PNLDC1: variants seen among roughly 807,000 people sequenced by gnomAD.
The protein encoded by PNLDC1 is poly(A)-specific ribonuclease PNLDC1.
PNLDC1 carries 70 observed loss-of-function variants against 82.0 expected under a neutral mutation model. The observed-to-expected ratio is 0.85, with a 90% confidence interval of 0.70 to 1.04. The LOEUF is 1.04. Ranked by LOEUF, PNLDC1 falls within the 50% of genes least tolerant of loss-of-function variation. PNLDC1 has a pLI of 0.00. For missense variants in PNLDC1, 631 were observed against 661.1 expected, an observed-to-expected ratio of 0.95 and a Z score of 0.50; for synonymous variants, 280 against 249.3, an observed-to-expected ratio of 1.12 and a Z score of -1.16.
At chr6:159,802,497 T>G (rs965950807) in intron 3 of PNLDC1, among the ~76,000 whole-genome samples, 3 of 152,100 alleles carry the variant, frequency 2.0e-5, no homozygotes, top group African/African-American at 7.2e-5. Flanking sequence ...GTTTTTTTTT[T>G]GTTCGTTTGT....
At chr6:159,818,784 T>A (rs1295917444) in intron 16 of PNLDC1, 130 bp downstream of exon 16, 1 of 1,205,640 alleles carries the variant, frequency 8.3e-7, no homozygotes, top group Non-Finnish European at 1.2e-6. Context: ...GGTTTTTCTT[T>A]CCTCTCATGT....
At chr6:159,804,774 G>T in intron 6 of PNLDC1, 137 bp downstream of exon 6, 2 of 621,198 alleles carry the variant, frequency 3.2e-6, no homozygotes, top group East Asian at 5.6e-5. Context: ...TGCCTGTGCA[G>T]CTGGCGCTGC....
intron 13 of PNLDC1, 37 bp downstream of exon 13, chr6:159,816,070 G>T: frequency 7.0e-7 from 1 of 1,430,306 alleles, no homozygotes. Context: ...TGCACAGTCG[G>T]CAGAGTGCTG....
chr6:159,810,039 A>G lies in PNLDC1; in HGVS notation c.797A>G (p.His266Arg), dbSNP rs777120457. The G allele has an allele frequency of 1.2e-6, 2 of 1,614,090 alleles. No individual in the cohort carries two copies. The highest frequency in any genetic ancestry group is 3.3e-5 in the Admixed American group (2 of 60,030). ...TACTCCAAGTAGCCCTTAGTGGGACATAATATGATGATGGACCTGCTGCAC... is the reference window on the plus strand; with the variant it reads ...TACTCCAAGTAGCCCTTAGTGGGACGTAATATGATGATGGACCTGCTGCAC... ...LVKAQKPLVG[H>R]NMMMDLLHLH... is the part of the protein sequence containing the mutation. Residue 266 changes from histidine to arginine, a missense_variant, in exon 10 of 19, where the codon CAT (histidine) becomes CGT (arginine). Coordinates refer to ENST00000392167, the MANE Select transcript of PNLDC1 (RefSeq NM_001271862.2).
In PNLDC1 at chr6:159,804,061, G is replaced by A; in HGVS notation, c.345G>A (p.Leu115=). The A allele has an allele frequency of 6.2e-7, 1 of 1,614,124 alleles. No individual in the cohort carries two copies. The highest frequency in any genetic ancestry group is 8.5e-7 in the Non-Finnish European group (1 of 1,180,024). The change falls in exon 5 of 19, where the codon TTG becomes TTA. Residue 115 remains leucine (L), a synonymous_variant. Coordinates refer to ENST00000392167, the MANE Select transcript of PNLDC1 (RefSeq NM_001271862.2). ...TCCAGGCTTCCAGTGTTCAGTTTTTGAATCAGTATGGCTTCAACTATAACA... is the reference window on the plus strand; with the variant it reads ...TCCAGGCTTCCAGTGTTCAGTTTTTAAATCAGTATGGCTTCAACTATAACA... The part of the protein sequence containing the change: ...FSFQASSVQF[L]NQYGFNYNKF...
intron 3 of PNLDC1, among the ~76,000 whole-genome samples, chr6:159,801,469 CAG>C (rs1781252941): frequency 6.6e-6 from 1 of 152,148 alleles, no homozygotes; most frequent in Non-Finnish European, 1.5e-5. Context: ...TTTTTTGAGA[CAG>C]GGTCTTGCTC....
chr6:159,800,845 T>C lies in PNLDC1; in HGVS notation c.134+16T>C. The C allele has an allele frequency of 6.2e-7, 1 of 1,614,032 alleles. No homozygotes were observed. Among genetic ancestry groups the C allele is most frequent in the Non-Finnish European group, 8.5e-7 (1 of 1,179,922 alleles). ...AGCAGATCAGGTAAAACTAAAGCTGTGTCCCCTCTGTATAAGAGCCTGGCC... is the reference window on the plus strand; with the variant it reads ...AGCAGATCAGGTAAAACTAAAGCTGCGTCCCCTCTGTATAAGAGCCTGGCC... On this transcript the variant is annotated intron_variant, in intron 2 of 18. Transcript: ENST00000392167.
chr6:159,816,168 CCTCCCCTCCCCCCCACCT>C, intron 13 of PNLDC1, 135 bp downstream of exon 13: 1 of 386,116 alleles, frequency 2.6e-6, no homozygotes, highest in Admixed American at 4.3e-5. Flanking sequence ...CCCCCACACC[CCTCCCCTCCCCCCCACCT>C]CTCCCCCTGC....
At chr6:159,803,075 T>G (rs1781321579) in intron 3 of PNLDC1, among the ~76,000 whole-genome samples, 196 bp from the exon 4 acceptor site, 1 of 152,202 alleles carries the variant, frequency 6.6e-6, no homozygotes, top group African/African-American at 2.4e-5. Flanking sequence ...TTTTAGCAAA[T>G]TCAGTGTGAA....
In PNLDC1 at chr6:159,800,301, C is replaced by CA; in HGVS notation, c.-6dup. The CA allele has an allele frequency of 1.3e-6, 2 of 1,545,810 alleles. No individual in the cohort carries two copies. The highest frequency in any genetic ancestry group is 1.7e-6 in the Non-Finnish European group (2 of 1,144,822). ...AGCGCTGGGCGACTCCGCGGAGCTG[C>CA]ACGGCCATGGACGTGGGCGCCGACG... On this transcript the variant is annotated 5_prime_UTR_variant, in exon 1 of 19. Transcript: ENST00000392167.
chr6:159,819,116 TA>T lies in PNLDC1; in HGVS notation c.1430del (p.Lys477ArgfsTer7). On this transcript the variant is annotated frameshift_variant, in exon 17 of 19. Transcript: ENST00000392167. LOFTEE classifies it high-confidence loss of function. The surrounding 1 kb of genome is among the most constrained non-coding windows in gnomAD (Gnocchi z 4.6). Reference sequence around the variant, plus strand: ...AGTTCTTACTCCTGACCAATAAGTTTAAGGAGTAGGTGCCTCTAAGTCCGCG... The same window carrying T: ...AGTTCTTACTCCTGACCAATAAGTTTAGGAGTAGGTGCCTCTAAGTCCGCG... Reference protein sequence around the residue: ...SQFLLLTNKFKDARNILKEYR... With the variant: ...SQFLLLTNKFXDARNILKEYR... 1 of 1,613,938 alleles carries T rather than the reference TA, an allele frequency of 6.2e-7. No individual in the cohort carries two copies. The highest frequency in any genetic ancestry group is 8.5e-7 in the Non-Finnish European group (1 of 1,179,942).
Position 159,801,093 on chromosome 6 carries a change from A to G in PNLDC1, c.135-20A>G. Reference sequence around the variant, plus strand: ...ATGGGATGTCATTGCTCGTGGAATGAGATGCCTGTTTGTTCACAGTCTTTT... The same window carrying G: ...ATGGGATGTCATTGCTCGTGGAATGGGATGCCTGTTTGTTCACAGTCTTTT... On this transcript the variant is annotated intron_variant, in intron 2 of 18. Transcript: ENST00000392167. 6.2e-7 allele frequency: 1 copy of G among 1,613,536 alleles called. No individual in the cohort carries two copies. Among genetic ancestry groups the G allele is most frequent in the East Asian group, 2.2e-5 (1 of 44,880 alleles).
At chr6:159,820,367 G>A in intron 18 of PNLDC1, 87 bp from the exon 19 acceptor site, 1 of 1,261,124 alleles carries the variant, frequency 7.9e-7, no homozygotes, top group Non-Finnish European at 1.2e-6. Flanking sequence ...GAGTGCACGG[G>A]GCTGGGAAGG....
At position 159,819,367 on chromosome 6, in the gene PNLDC1, G is replaced by C; in HGVS notation, c.1532+15G>C. 1 of 1,610,356 alleles carries C rather than the reference G, an allele frequency of 6.2e-7. No homozygotes were observed. The highest frequency in any genetic ancestry group is 8.5e-7 in the Non-Finnish European group (1 of 1,178,698). On this transcript the variant is annotated intron_variant, in intron 18 of 18. Coordinates refer to ENST00000392167, the MANE Select transcript of PNLDC1 (RefSeq NM_001271862.2). The surrounding 1 kb of genome is among the most constrained non-coding windows in gnomAD (Gnocchi z 4.6). Reference sequence around the variant, plus strand: ...TGCCTGCTCCAGTAAGTGACAGGCTGAGGCCACCTGCCTGTCCTGGGGTCC... The same window carrying C: ...TGCCTGCTCCAGTAAGTGACAGGCTCAGGCCACCTGCCTGTCCTGGGGTCC...
chr6:159,806,621 G>A (rs1478944726), intron 7 of PNLDC1, among the ~76,000 whole-genome samples: 1 of 152,232 alleles, frequency 6.6e-6, no homozygotes, highest in Non-Finnish European at 1.5e-5. Flanking sequence ...ACACATTAAG[G>A]CAGGAGCATC....
Position 159,818,570 on chromosome 6 carries a change from C to T in PNLDC1, c.1173C>T (p.Pro391=), listed in dbSNP as rs545678739. 3.1e-5 allele frequency: 50 copies of T among 1,613,734 alleles called. No individual in the cohort carries two copies. Among genetic ancestry groups the T allele is most frequent in the South Asian group, 2.1e-4 (19 of 91,074 alleles). ...LQKIYHIDPV[P]ESSFPQYLDV... is the part of the protein sequence containing the mutation. ...GTCCTTGCAGCATCGACCCCGTGCC[C>T]GAGTCATCCTTTCCTCAGTACCTTG... Residue 391 remains proline, a synonymous_variant, in exon 16 of 19, where the codon CCC becomes CCT. Coordinates refer to ENST00000392167, the MANE Select transcript of PNLDC1 (RefSeq NM_001271862.2).
chr6:159,815,113 CAG>C (rs1781770986), intron 12 of PNLDC1, among the ~76,000 whole-genome samples: 1 of 152,246 alleles, frequency 6.6e-6, no homozygotes, highest in African/African-American at 2.4e-5. Flanking sequence ...GAAGGGGTCA[CAG>C]AGCTGAGTTG....
chr6:159,804,659 G>A (rs371493264), intron 6 of PNLDC1, 22 bp downstream of exon 6: 150 of 1,552,876 alleles, frequency 9.7e-5, no homozygotes, highest in Non-Finnish European at 1.3e-4. Context: ...TTCTCCAGGT[G>A]CCTTTTTGTT....
chr6:159,800,631 T>A (rs777686736), intron 1 of PNLDC1, 141 bp from the exon 2 acceptor site: 20 of 1,598,546 alleles, frequency 1.3e-5, no homozygotes, highest in Non-Finnish European at 1.6e-5. Context: ...CCTTGGTTCC[T>A]CCATTTTCCC....
Sources: gnomAD v4.1 joint callset for allele counts (sites outside exome capture counted in the v4.1 genomes callset) on GRCh38, gnomAD v4.1.1 for gene constraint, Gnocchi (gnomAD v3.1) non-coding constraint, MANE v1.5 for transcripts, NCBI Gene and HGNC (gene_info 2026-07-23, HGNC 2026-07-21) for gene names.